UGT1A6: variants seen among roughly 807,000 people sequenced by gnomAD.
UGT1A6 encodes UDP-glucuronosyltransferase 1A6.
Under a neutral mutation model 44.4 loss-of-function variants are expected in UGT1A6, and 32 were observed. The observed-to-expected ratio is 0.72, with a 90% CI of 0.54 to 0.97. The LOEUF is 0.97. UGT1A6 is among the 50% of genes least tolerant of loss of function. The pLI is 0.00. For synonymous variants in UGT1A6, 238 were observed against 248.5 expected (o/e 0.96, Z 0.40); for missense variants, 685 against 661.9 (o/e 1.03, Z -0.38).
Position 233,747,385 on chromosome 2 carries a change from C to T in UGT1A6, c.862-19649C>T, listed in dbSNP as rs531193212. The T allele has an allele frequency of 6.7e-4, 1,075 of 1,604,740 alleles. 9 individuals are homozygous for T. The highest frequency in any genetic ancestry group is 4.1e-3 in the African/African-American group (305 of 74,460). Reference sequence around the variant, plus strand: ...GAGCTCCATGCCAGAGGCCACCAGGCGGTGGTCCTCACCCCAGAGGTGAAT... The same window carrying T: ...GAGCTCCATGCCAGAGGCCACCAGGTGGTGGTCCTCACCCCAGAGGTGAAT... On this transcript the variant is annotated intron_variant, in intron 1 of 4. Transcript: ENST00000305139.
chr2:233,713,370 T>A (rs1249114309), intron 1 of UGT1A6: 1 of 1,613,964 alleles, frequency 6.2e-7, no homozygotes, highest in Admixed American at 1.7e-5. Flanking sequence ...CATACATAGG[T>A]CTTGTGTGGA....
chr2:233,692,705 A>G (rs557358228), upstream of UGT1A6: 462 of 440,436 alleles, frequency 1.0e-3, 2 homozygotes, highest in African/African-American at 9.4e-3. Flanking sequence ...TCTCCAAGTC[A>G]TCTTCAAAGT....
At chr2:233,748,119 A>G (rs1693871947) in intron 1 of UGT1A6, 2 of 1,611,514 alleles carry the variant, frequency 1.2e-6, no homozygotes, top group Admixed American at 1.7e-5. Flanking sequence ...GTTCCAGGCA[A>G]AACAGTTTTT....
intron 1 of UGT1A6, among the ~76,000 whole-genome samples, chr2:233,762,607 TTTG>T (rs1336079545): frequency 6.6e-6 from 1 of 152,220 alleles, no homozygotes; most frequent in Non-Finnish European, 1.5e-5. Flanking sequence ...TTCCAGGAGT[TTTG>T]TTGTTGTGAC....
At chr2:233,760,509 C>T (rs72551340) in intron 1 of UGT1A6, 1 of 1,614,154 alleles carries the variant, frequency 6.2e-7, no homozygotes, top group African/African-American at 1.3e-5. Flanking sequence ...GAGCATTTTA[C>T]ACCTTGAAGA....
chr2:233,718,433 A>G (rs571476124), intron 1 of UGT1A6, among the ~76,000 whole-genome samples: 1 of 152,326 alleles, frequency 6.6e-6, no homozygotes, highest in East Asian at 1.9e-4. Flanking sequence ...GTGGTTGGGG[A>G]CTAGGGCAAT....
chr2:233,734,422 T>C (rs1373952853), intron 1 of UGT1A6, among the ~76,000 whole-genome samples: 3 of 152,176 alleles, frequency 2.0e-5, no homozygotes, highest in Non-Finnish European at 4.4e-5. Context: ...TCTTTTCTTC[T>C]TTATTAGTCT....
intron 1 of UGT1A6, among the ~76,000 whole-genome samples, chr2:233,766,376 C>T (rs1699131127): frequency 6.6e-6 from 1 of 152,176 alleles, no homozygotes; most frequent in Admixed American, 6.5e-5. Context: ...GAGTTCTTCT[C>T]AATGTCCAGC....
At chr2:233,711,040 C>T (rs1449221442) in intron 1 of UGT1A6, among the ~76,000 whole-genome samples, 1 of 152,212 alleles carries the variant, frequency 6.6e-6, no homozygotes, top group African/African-American at 2.4e-5. Context: ...GGTGACCTCA[C>T]TGACACCCAT....
chr2:233,703,754 A>G (rs894644041), intron 1 of UGT1A6, among the ~76,000 whole-genome samples: 2 of 152,118 alleles, frequency 1.3e-5, no homozygotes, highest in Non-Finnish European at 2.9e-5. Context: ...TCTCAAATGT[A>G]TCTTCTGCAG....
At chr2:233,759,349 A>T (rs900901642) in intron 1 of UGT1A6, among the ~76,000 whole-genome samples, 3 of 152,146 alleles carry the variant, frequency 2.0e-5, no homozygotes, top group African/African-American at 4.8e-5. Flanking sequence ...GAGCGCTGAA[A>T]ATCTCAACTA....
chr2:233,707,423 C>T (rs1388358348), intron 1 of UGT1A6, among the ~76,000 whole-genome samples: 1 of 151,946 alleles, frequency 6.6e-6, no homozygotes, highest in Non-Finnish European at 1.5e-5. Context: ...TCGACTATTT[C>T]TTTGCTTTTC....
At chr2:233,720,103 C>T (rs2076831013) in intron 1 of UGT1A6, among the ~76,000 whole-genome samples, 1 of 152,162 alleles carries the variant, frequency 6.6e-6, no homozygotes, top group African/African-American at 2.4e-5. Flanking sequence ...GTGGTCCCAT[C>T]TTGCGAAAGA....
intron 1 of UGT1A6, chr2:233,753,788 C>T (rs970692260): frequency 7.9e-5 from 12 of 152,166 alleles, no homozygotes; most frequent in Non-Finnish European, 1.8e-4. Context: ...CTTTACATTT[C>T]CAGGACCTAC....
At chr2:233,753,470 T>A (rs532317483) in intron 1 of UGT1A6, 1 of 152,352 alleles carries the variant, frequency 6.6e-6, no homozygotes, top group South Asian at 2.1e-4. Context: ...CTGTAAAAAA[T>A]TACCAGCATG....
chr2:233,751,225 C>T (rs1015976096), intron 1 of UGT1A6, among the ~76,000 whole-genome samples: 6 of 151,960 alleles, frequency 3.9e-5, no homozygotes, highest in Admixed American at 3.9e-4. Flanking sequence ...TTAATGACTG[C>T]CCTGCCTGGT....
At chr2:233,749,246 T>A (rs765293150) in intron 1 of UGT1A6, among the ~76,000 whole-genome samples, 1 of 151,940 alleles carries the variant, frequency 6.6e-6, no homozygotes, top group East Asian at 1.9e-4. Flanking sequence ...TCAAACCACA[T>A]GATTTTTTTA....
chr2:233,713,818 T>C lies in UGT1A6; in HGVS notation c.861+19953T>C, dbSNP rs147668404. 307 of 1,614,106 alleles carry C rather than the reference T, an allele frequency of 1.9e-4. 1 individual carries two copies. The highest frequency in any genetic ancestry group is 2.1e-4 in the Non-Finnish European group (243 of 1,179,982). On this transcript the variant is annotated intron_variant, in intron 1 of 4. Transcript: ENST00000305139. ...CCGATCATGCCCAACATGGTCTTCA[T>C]TGGGGGCATCAACTGTGCCAACGGG...
At chr2:233,743,335 G>C (rs534297671) in intron 1 of UGT1A6, 1 of 800,282 alleles carries the variant, frequency 1.2e-6, no homozygotes, top group East Asian at 6.3e-5. Flanking sequence ...AACTATTTCA[G>C]TGGAAGTCGA....
Sources: gnomAD v4.1 joint callset for allele counts (sites outside exome capture counted in the v4.1 genomes callset) on GRCh38, gnomAD v4.1.1 for gene constraint, MANE v1.5 for transcripts, NCBI Gene and HGNC (gene_info 2026-07-23, HGNC 2026-07-21) for gene names.